Variants in RNLS observed in about 807,000 individuals in gnomAD.
RNLS encodes the protein renalase, FAD dependent amine oxidase.
A neutral mutation model predicts 39.8 loss-of-function variants in RNLS; 39 were observed. The observed-to-expected ratio is 0.98, with a 90% CI of 0.76 to 1.28. The LOEUF is 1.28. Among genes scored for constraint, RNLS ranks in the 50% most tolerant of loss-of-function variants. The pLI, the probability that RNLS is intolerant of heterozygous loss-of-function variation, is 0.00. For synonymous variants in RNLS, 147 were observed against 150.7 expected, an observed-to-expected ratio of 0.98 and a Z score of 0.18; for missense variants, 410 against 413.3, an observed-to-expected ratio of 0.99 and a Z score of 0.07.
At chr10:88,288,802 C>T (rs1026328760) in intron 6 of RNLS, among the ~76,000 whole-genome samples, 3 of 152,160 alleles carry the variant, frequency 2.0e-5, no homozygotes, top group Non-Finnish European at 4.4e-5. Flanking sequence ...TAGGTGGAAT[C>T]ACCCATTTTG....
chr10:88,212,656 T>C, the RNLS span, among the ~76,000 whole-genome samples: 1 of 152,192 alleles, frequency 6.6e-6, no homozygotes, highest in African/African-American at 2.4e-5. Context: ...TCCTCTCCTG[T>C]TTATCATGTA....
At chr10:88,399,255 T>TA (rs1852761032) in intron 4 of RNLS, among the ~76,000 whole-genome samples, 2 of 152,038 alleles carry the variant, frequency 1.3e-5, no homozygotes, top group Admixed American at 6.6e-5. Flanking sequence ...CCATATAACT[T>TA]AGTGATTTCA....
intron 4 of RNLS, among the ~76,000 whole-genome samples, chr10:88,491,815 T>A (rs186313543): frequency 6.6e-6 from 1 of 152,204 alleles, no homozygotes; most frequent in Non-Finnish European, 1.5e-5. Context: ...ATAAAAGATC[T>A]TGAAGAGCTA....
At chr10:88,496,307 T>C (rs1368360176) in intron 4 of RNLS, among the ~76,000 whole-genome samples, 2 of 152,138 alleles carry the variant, frequency 1.3e-5, no homozygotes, top group Non-Finnish European at 2.9e-5. Context: ...CAGGGGATTA[T>C]ATTATGAGAA....
chr10:88,523,088 C>A (rs113117386), intron 4 of RNLS, among the ~76,000 whole-genome samples: 44 of 151,364 alleles, frequency 2.9e-4, no homozygotes, highest in East Asian at 1.2e-3. Context: ...ATAAACAAAT[C>A]AAAAAAAACC....
chr10:88,539,501 A>C lies in RNLS; in HGVS notation c.526+33402T>G, dbSNP rs74147214. ...TCCATGGGACACCAAGCTGCTACAG[A>C]GGCTCCCAGTTTGGCCTATTTTCTT... On this transcript the variant is annotated intron_variant, in intron 4 of 6. Coordinates refer to ENST00000331772, the MANE Select transcript of RNLS (RefSeq NM_001031709.3). Among the ~76,000 whole-genome samples the C allele has an allele frequency of 5.4e-3, 818 of 152,234 alleles. 12 individuals are homozygous for C. The highest frequency in any genetic ancestry group is 0.018 in the African/African-American group (751 of 41,566).
At chr10:88,379,677 C>T (rs1180364149) in intron 4 of RNLS, among the ~76,000 whole-genome samples, 1 of 152,122 alleles carries the variant, frequency 6.6e-6, no homozygotes, top group Non-Finnish European at 1.5e-5. Context: ...GGTCTATATC[C>T]CCTTCCCTTG....
At chr10:88,299,689 AG>A (rs1276507011) in intron 6 of RNLS, among the ~76,000 whole-genome samples, 2 of 152,218 alleles carry the variant, frequency 1.3e-5, no homozygotes, top group African/African-American at 4.8e-5. Context: ...TTCATCTAGC[AG>A]TTTTAGAATT....
At chr10:88,261,196 A>C in the RNLS span, among the ~76,000 whole-genome samples, 1 of 152,220 alleles carries the variant, frequency 6.6e-6, no homozygotes, top group Non-Finnish European at 1.5e-5. Flanking sequence ...GATAAGCTTT[A>C]ATATCAAACT....
downstream of RNLS, among the ~76,000 whole-genome samples, chr10:88,271,509 A>C (rs1357463754): frequency 2.6e-5 from 4 of 152,132 alleles, no homozygotes; most frequent in Non-Finnish European, 5.9e-5. Flanking sequence ...TTTATGCTGA[A>C]TTAGCCTTTG....
intron 6 of RNLS, among the ~76,000 whole-genome samples, chr10:88,296,862 T>G (rs1056147875): frequency 2.0e-5 from 3 of 152,158 alleles, no homozygotes; most frequent in South Asian, 2.1e-4. Flanking sequence ...CACTAATCTG[T>G]TTTTTGTCTC....
chr10:88,458,026 G>C (rs1430476726), intron 4 of RNLS, among the ~76,000 whole-genome samples: 2 of 152,128 alleles, frequency 1.3e-5, no homozygotes, highest in Non-Finnish European at 2.9e-5. Flanking sequence ...ACACCCTTAA[G>C]CCTGAATGGT....
chr10:88,544,023 C>A (rs1258267320), intron 4 of RNLS, among the ~76,000 whole-genome samples: 2 of 152,142 alleles, frequency 1.3e-5, no homozygotes, highest in Non-Finnish European at 2.9e-5. Flanking sequence ...GGAACCCTCG[C>A]TCAGGCTCAG....
At chr10:88,565,025 A>G (rs963621553) in intron 4 of RNLS, among the ~76,000 whole-genome samples, 1 of 152,162 alleles carries the variant, frequency 6.6e-6, no homozygotes, top group African/African-American at 2.4e-5. Flanking sequence ...GAGAAGAAAA[A>G]CACAGGAAGC....
chr10:88,295,575 T>A (rs1844027782), intron 6 of RNLS, among the ~76,000 whole-genome samples: 2 of 152,176 alleles, frequency 1.3e-5, no homozygotes, highest in South Asian at 4.1e-4. Flanking sequence ...GAGCTCTGTA[T>A]CTGGTACTAC....
intron 4 of RNLS, among the ~76,000 whole-genome samples, chr10:88,429,509 A>T (rs1166133743): frequency 1.3e-5 from 2 of 151,838 alleles, no homozygotes; most frequent in Non-Finnish European, 2.9e-5. Context: ...GGCTGGAGTC[A>T]TTTCCTGACC....
Position 88,504,847 on chromosome 10 carries a change from G to GTGTA in RNLS, c.526+68055_526+68056insTACA, listed in dbSNP as rs1845701644. Reference sequence around the variant, plus strand: ...CAAATTAGAGAGAGAGAGACAGAGTGTGTGTGTGTGTGTGTGTGTGTGTGT... The same window carrying GTGTA: ...CAAATTAGAGAGAGAGAGACAGAGTGTGTATGTGTGTGTGTGTGTGTGTGTGTGT... On this transcript the variant is annotated intron_variant, in intron 4 of 6. Coordinates refer to ENST00000331772, the MANE Select transcript of RNLS (RefSeq NM_001031709.3). 1.4e-5 allele frequency among the ~76,000 whole-genome samples: 2 copies of GTGTA among 142,806 alleles called. 1 individual carries two copies. Among genetic ancestry groups the GTGTA allele is most frequent in the African/African-American group, 5.3e-5 (2 of 37,958 alleles). The allele number at this position is 142,806 out of a possible 152,430, so 93.7% of individuals were successfully genotyped here. A position where few individuals can be genotyped will look rare whatever the true frequency, so the allele number is the denominator to read the frequency against.
At chr10:88,364,637 G>A (rs1382358343) in intron 4 of RNLS, among the ~76,000 whole-genome samples, 1 of 152,036 alleles carries the variant, frequency 6.6e-6, no homozygotes, top group Admixed American at 6.6e-5. Context: ...GCTTTCTCCT[G>A]TGACATTAAT....
chr10:88,226,612 A>C, the RNLS span, among the ~76,000 whole-genome samples: 154 of 152,246 alleles, frequency 1.0e-3, no homozygotes, highest in Admixed American at 9.9e-3. Context: ...TCTTATAATC[A>C]ATTCAATGTC....
Sources: gnomAD v4.1 joint callset for allele counts (sites outside exome capture counted in the v4.1 genomes callset) on GRCh38, gnomAD v4.1.1 for gene constraint, MANE v1.5 for transcripts, NCBI Gene and HGNC (gene_info 2026-07-23, HGNC 2026-07-21) for gene names.